The following RBM19 variants were observed in gnomAD, a reference collection of about 807,000 sequenced individuals.
The protein encoded by RBM19 is RNA binding motif protein 19, also known as probable RNA-binding protein 19.
RBM19 carries 94 observed loss-of-function variants against 116.8 expected under a neutral mutation model. The ratio of observed to expected loss-of-function variants is 0.80; its 90% CI spans 0.68 to 0.95. The LOEUF is 0.95. Ranked by LOEUF, RBM19 falls within the 40% of genes least tolerant of loss-of-function variation. RBM19 has a pLI of 0.00. For missense variants in RBM19, 1,161 were observed against 1,220.7 expected (o/e 0.95, Z 0.73); for synonymous variants, 475 against 494.1 (o/e 0.96, Z 0.51).
At chr12:113,887,920 C>A (rs1441201911) in intron 21 of RBM19, among the ~76,000 whole-genome samples, 1 of 152,152 alleles carries the variant, frequency 6.6e-6, no homozygotes, top group Non-Finnish European at 1.5e-5. Flanking sequence ...TGAGGTCTCA[C>A]TACATTGCCC....
At chr12:113,913,639 A>G (rs1221006845) in intron 21 of RBM19, among the ~76,000 whole-genome samples, 1 of 152,264 alleles carries the variant, frequency 6.6e-6, no homozygotes, top group Non-Finnish European at 1.5e-5. Context: ...CAAAGAAGGT[A>G]GATGCCACAC....
rs1874741844 is a variant in RBM19 at position 113,825,073 on chromosome 12, CCTTT to C, written c.2786-1756_2786-1753del. Among the ~76,000 whole-genome samples the C allele has an allele frequency of 1.3e-5, 2 of 152,240 alleles. No individual in the cohort carries two copies. Among genetic ancestry groups the C allele is most frequent in the African/African-American group, 4.8e-5 (2 of 41,462 alleles). On this transcript the variant is annotated intron_variant, in intron 23 of 23. Transcript: ENST00000261741. The surrounding 1 kb of genome is among the most constrained non-coding windows in gnomAD (Gnocchi z 5.7). ...TTTTTATTACCCACACTGCCGCAGG[CCTTT>C]CTTTGTGTGGGATGTTGTCTCACTC...
chr12:113,918,385 G>C lies in RBM19; in HGVS notation c.2441+7C>G, dbSNP rs773865943. 21 of 1,613,752 alleles carry C rather than the reference G, an allele frequency of 1.3e-5. No homozygotes were observed. Among genetic ancestry groups the C allele is most frequent in the Non-Finnish European group, 1.6e-5 (19 of 1,179,866 alleles). On this transcript the variant is annotated splice_region_variant and intron_variant, in intron 20 of 23. Transcript: ENST00000261741. ...TAGGAAAGGAAATGAGGACACTGAA[G>C]ACTCACTTAGTGGCTCGTTCCGAGA...
chr12:113,818,777 C>T (rs372435424), downstream of RBM19, among the ~76,000 whole-genome samples: 60 of 152,264 alleles, frequency 3.9e-4, no homozygotes, highest in African/African-American at 1.0e-3. Flanking sequence ...CTGTGCATTC[C>T]GCTCTCCTCC....
At chr12:113,858,769 G>C in intron 22 of RBM19, 22 bp downstream of exon 22, 1 of 1,609,862 alleles carries the variant, frequency 6.2e-7, no homozygotes, top group Non-Finnish European at 8.5e-7. Context: ...TGGACAGGTG[G>C]GGAAGGGATT....
chr12:113,960,615 G>C (rs571477830), intron 2 of RBM19, among the ~76,000 whole-genome samples: 1 of 152,264 alleles, frequency 6.6e-6, no homozygotes, highest in South Asian at 2.1e-4. Flanking sequence ...CTGGGCTCTG[G>C]AACCTGAGTT....
chr12:113,868,308 G>A (rs1452172365), intron 21 of RBM19, among the ~76,000 whole-genome samples: 2 of 152,204 alleles, frequency 1.3e-5, no homozygotes, highest in South Asian at 2.1e-4. Context: ...AGATCTGTGC[G>A]TACAGTTTAG....
rs1283066471 is a variant in RBM19, at chr12:113,959,865, C to A, written c.378G>T (p.Lys126Asn). 1 of 1,614,190 alleles carries A rather than the reference C, an allele frequency of 6.2e-7. No homozygotes were observed. Among genetic ancestry groups the A allele is most frequent in the Non-Finnish European group, 8.5e-7 (1 of 1,180,032 alleles). ...TCCTTGGGCAACAGGACAGACTCAC[C>A]TTCTCCAGTTGACCTGCCACCTTTT... Reference protein sequence around the residue: ...KKKKVAGQLEKLKEDTEFQEF... With the variant: ...KKKKVAGQLENLKEDTEFQEF... Residue 126 changes from lysine to asparagine, a missense_variant and splice_region_variant, in exon 4 of 24, where the codon AAG (lysine) becomes AAT (asparagine). Lys to Asn is a moderately conservative substitution (Grantham distance 94). Transcript: ENST00000261741.
intron 13 of RBM19, among the ~76,000 whole-genome samples, chr12:113,943,463 C>T (rs539538919): frequency 3.3e-5 from 5 of 151,470 alleles, no homozygotes; most frequent in South Asian, 4.2e-4. Context: ...CACAGAATTC[C>T]GTGAGGAAAA....
chr12:113,958,242 T>G (rs1872151558), intron 5 of RBM19, among the ~76,000 whole-genome samples, 192 bp from the exon 6 acceptor site: 1 of 152,106 alleles, frequency 6.6e-6, no homozygotes, highest in Non-Finnish European at 1.5e-5. Flanking sequence ...TACTGCAGCT[T>G]TGATATTCTC....
intron 21 of RBM19, among the ~76,000 whole-genome samples, chr12:113,876,602 G>A (rs911088067): frequency 3.9e-5 from 6 of 151,974 alleles, no homozygotes; most frequent in Non-Finnish European, 5.9e-5. Flanking sequence ...ACCAGCCTGG[G>A]CAACATGGTG....
chr12:113,834,685 C>T (rs1001359879), intron 23 of RBM19, among the ~76,000 whole-genome samples: 7 of 152,080 alleles, frequency 4.6e-5, no homozygotes, highest in East Asian at 3.9e-4. Context: ...GGATCAGGAG[C>T]CCAGATCCAA....
At chr12:113,958,425 G>A (rs1186002097) in intron 5 of RBM19, among the ~76,000 whole-genome samples, 1 of 152,044 alleles carries the variant, frequency 6.6e-6, no homozygotes, top group Non-Finnish European at 1.5e-5. Context: ...CATCAGGGCT[G>A]GCTGCGTGGG....
intron 21 of RBM19, among the ~76,000 whole-genome samples, chr12:113,894,347 TA>T (rs1298016017): frequency 6.6e-6 from 1 of 152,246 alleles, no homozygotes; most frequent in East Asian, 1.9e-4. Flanking sequence ...TAAGCCTTGT[TA>T]ATCTTGAAGT....
downstream of RBM19, among the ~76,000 whole-genome samples, chr12:113,820,768 AGG>A (rs1212464512): frequency 6.6e-6 from 1 of 152,122 alleles, no homozygotes; most frequent in Non-Finnish European, 1.5e-5. Context: ...GCAGGGGTGC[AGG>A]GGCCAGGCTC....
At chr12:113,927,288 A>C (rs1010646728) in intron 16 of RBM19, 59 bp from the exon 17 acceptor site, 7 of 1,517,292 alleles carry the variant, frequency 4.6e-6, no homozygotes, top group Non-Finnish European at 6.2e-6. Flanking sequence ...AAATAATGTC[A>C]AACCCACCAG....
rs182202086 is a variant in RBM19, at chr12:113,861,678, G to T, written c.2559-2782C>A. 1.3e-3 allele frequency among the ~76,000 whole-genome samples: 198 copies of T among 152,282 alleles called. 1 individual carries two copies. The highest frequency in any genetic ancestry group is 2.1e-3 in the Non-Finnish European group (142 of 68,020). ...GTAAGCAGCTAAGGGTCCGGAGAAA[G>T]GCGAGAAAAATAATTAAAAGGTAGA... On this transcript the variant is annotated intron_variant, in intron 21 of 23. Coordinates refer to ENST00000261741, the MANE Select transcript of RBM19 (RefSeq NM_016196.4).
At chr12:113,851,421 C>T (rs1877435455) in intron 22 of RBM19, among the ~76,000 whole-genome samples, 1 of 152,210 alleles carries the variant, frequency 6.6e-6, no homozygotes, top group South Asian at 2.1e-4. Context: ...AAGTTTATAG[C>T]ACCCCTGGGA....
At chr12:113,959,961 G>A (rs1872346172) in intron 3 of RBM19, 58 bp from the exon 4 acceptor site, 1 of 1,613,410 alleles carries the variant, frequency 6.2e-7, no homozygotes, top group Non-Finnish European at 8.5e-7. Flanking sequence ...CTGGGAAACA[G>A]AACTGCACTG....
Sources: allele counts gnomAD v4.1 joint callset (sites outside exome capture counted in the v4.1 genomes callset), GRCh38; gene constraint gnomAD v4.1.1; non-coding constraint Gnocchi (gnomAD v3.1); transcripts MANE v1.5; gene names NCBI Gene and HGNC (gene_info 2026-07-23, HGNC 2026-07-21).